ROBO1: variants seen among roughly 807,000 people sequenced by gnomAD.
The protein encoded by ROBO1 is roundabout guidance receptor 1, also known as roundabout homolog 1.
In ROBO1, 149 loss-of-function variants were observed where a neutral mutation model predicts 195.9. The ratio of observed to expected loss-of-function variants is 0.76; its 90% CI spans 0.67 to 0.87. The LOEUF (loss-of-function observed/expected upper bound fraction) is 0.87. Ranked by LOEUF, ROBO1 falls within the 40% of genes least tolerant of loss-of-function variation. The pLI is 0.00. For synonymous variants in ROBO1, 816 were observed against 733.2 expected (o/e 1.11, Z -1.82); for missense variants, 1,933 against 2,068.3 (o/e 0.93, Z 1.27).
chr3:78,690,289 T>TA (rs535895627), intron 8 of ROBO1, among the ~76,000 whole-genome samples: 1 of 145,646 alleles, frequency 6.9e-6, no homozygotes, highest in Non-Finnish European at 1.5e-5. Flanking sequence ...TCTTTTTTTT[T>TA]AAAAATTGAG....
intron 2 of ROBO1, among the ~76,000 whole-genome samples, chr3:79,175,326 A>G (rs2081246500): frequency 1.3e-5 from 2 of 152,106 alleles, no homozygotes; most frequent in Admixed American, 6.5e-5. Context: ...TTTATTTTTT[A>G]ATAGAAATGG....
At chr3:79,171,261 T>C (rs973784739) in intron 2 of ROBO1, among the ~76,000 whole-genome samples, 6 of 151,278 alleles carry the variant, frequency 4.0e-5, no homozygotes, top group Non-Finnish European at 7.4e-5. Flanking sequence ...TCATCGTTAG[T>C]ATCATCTATG....
chr3:79,743,755 T>A (rs981194102), intron 1 of ROBO1, among the ~76,000 whole-genome samples: 3 of 152,166 alleles, frequency 2.0e-5, no homozygotes, highest in Admixed American at 2.0e-4. Flanking sequence ...CTTTTAAACT[T>A]TTTTGTTTAA....
intron 1 of ROBO1, among the ~76,000 whole-genome samples, chr3:79,764,157 C>G (rs1432575831): frequency 6.6e-6 from 1 of 152,196 alleles, no homozygotes; most frequent in African/African-American, 2.4e-5. Flanking sequence ...AGTGAAATAT[C>G]TATTGCAGGT....
chr3:79,567,953 C>A (rs1943144326), intron 2 of ROBO1, among the ~76,000 whole-genome samples: 2 of 151,992 alleles, frequency 1.3e-5, no homozygotes, highest in South Asian at 2.1e-4. Flanking sequence ...TTTTATTATA[C>A]CAATCTTTCT....
chr3:79,647,841 G>A (rs962100148), intron 1 of ROBO1, among the ~76,000 whole-genome samples: 3 of 152,076 alleles, frequency 2.0e-5, no homozygotes, highest in Admixed American at 6.6e-5. Context: ...AAAAAAAACC[G>A]ATTCCCGTAA....
chr3:79,411,293 C>T (rs1477941223), intron 2 of ROBO1, among the ~76,000 whole-genome samples: 4 of 152,018 alleles, frequency 2.6e-5, no homozygotes. Flanking sequence ...ATATTCAGTC[C>T]TAAAGACTAA....
chr3:79,683,368 T>C (rs141394553), intron 1 of ROBO1, among the ~76,000 whole-genome samples: 190 of 152,222 alleles, frequency 1.2e-3, no homozygotes, highest in African/African-American at 4.2e-3. Flanking sequence ...AACAAATTCA[T>C]GTAACAAAAT....
intron 2 of ROBO1, among the ~76,000 whole-genome samples, chr3:79,422,160 A>G (rs923013991): frequency 2.4e-4 from 36 of 148,334 alleles, no homozygotes; most frequent in African/African-American, 8.6e-4. Context: ...ATTATATACA[A>G]TACATATCTT....
intron 2 of ROBO1, among the ~76,000 whole-genome samples, chr3:79,170,705 A>C (rs2081150352): frequency 6.6e-6 from 1 of 152,174 alleles, no homozygotes; most frequent in East Asian, 1.9e-4. Flanking sequence ...GAATTAGACA[A>C]GTTATTTTTT....
At chr3:78,891,483 C>A (rs183928291) in intron 4 of ROBO1, among the ~76,000 whole-genome samples, 13 of 152,190 alleles carry the variant, frequency 8.5e-5, no homozygotes, top group Non-Finnish European at 1.5e-4. Context: ...TAGAAACAAC[C>A]CTCTTCCACT....
At chr3:78,788,370 G>A (rs1319251219) in intron 4 of ROBO1, among the ~76,000 whole-genome samples, 6 of 145,094 alleles carry the variant, frequency 4.1e-5, no homozygotes, top group Non-Finnish European at 7.5e-5. Context: ...CACCCGCCTC[G>A]GCCTCCCAAA....
intron 1 of ROBO1, among the ~76,000 whole-genome samples, chr3:79,766,716 C>T (rs916040420): frequency 6.6e-6 from 1 of 152,104 alleles, no homozygotes; most frequent in Non-Finnish European, 1.5e-5. Context: ...CAGCCGCACC[C>T]GCGCCAACGC....
At chr3:79,692,586 G>C (rs1947327891) in intron 1 of ROBO1, among the ~76,000 whole-genome samples, 1 of 151,780 alleles carries the variant, frequency 6.6e-6, no homozygotes, top group African/African-American at 2.4e-5. Context: ...AAGTCCTGCA[G>C]GATCTCACGG....
chr3:79,199,315 G>A (rs138628988), intron 2 of ROBO1, among the ~76,000 whole-genome samples: 230 of 151,860 alleles, frequency 1.5e-3, no homozygotes, highest in African/African-American at 5.3e-3. Flanking sequence ...TATTTGTAAT[G>A]ACTAGAAGAC....
intron 4 of ROBO1, among the ~76,000 whole-genome samples, chr3:78,788,442 A>ATTT (rs2083917608): frequency 2.0e-4 from 27 of 137,712 alleles, no homozygotes; most frequent in African/African-American, 6.8e-4. Flanking sequence ...TTTTTTTTTA[A>ATTT]AAAAAAAAAA....
intron 1 of ROBO1, among the ~76,000 whole-genome samples, chr3:79,714,095 T>C (rs1702382153): frequency 6.6e-6 from 1 of 152,016 alleles, no homozygotes; most frequent in African/African-American, 2.4e-5. Context: ...TGCAACCTAC[T>C]CATCTGACAA....
intron 4 of ROBO1, among the ~76,000 whole-genome samples, chr3:78,822,544 C>T (rs1314545197): frequency 6.6e-6 from 1 of 152,196 alleles, no homozygotes; most frequent in Non-Finnish European, 1.5e-5. Flanking sequence ...GAATTCTACA[C>T]ACACTCTCTA....
intron 2 of ROBO1, among the ~76,000 whole-genome samples, chr3:79,236,340 C>T (rs1374140186): frequency 6.6e-6 from 1 of 152,100 alleles, no homozygotes. Context: ...TCAGTGGCAA[C>T]ATTTTCATGT....
Sources: allele counts gnomAD v4.1 joint callset (sites outside exome capture counted in the v4.1 genomes callset), GRCh38; gene constraint gnomAD v4.1.1; transcripts MANE v1.5; gene names NCBI Gene and HGNC (gene_info 2026-07-23, HGNC 2026-07-21).